The following PDE4D variants were observed in gnomAD, a reference collection of about 807,000 sequenced individuals.
PDE4D encodes the protein phosphodiesterase 4D.
A neutral mutation model predicts 87.4 loss-of-function variants in PDE4D; 24 were observed. The ratio of observed to expected loss-of-function variants is 0.27; its 90% CI spans 0.20 to 0.39. The LOEUF (loss-of-function observed/expected upper bound fraction) is 0.39. Ranked by LOEUF, PDE4D falls within the 10% of genes least tolerant of loss-of-function variation. The pLI, the probability that PDE4D is intolerant of heterozygous loss-of-function variation, is 1.00. For synonymous variants in PDE4D, 384 were observed against 383.2 expected (o/e 1.00, Z -0.02); for missense variants, 714 against 1,041.0 (o/e 0.69, Z 4.32).
At chr5:59,380,793 G>A (rs2153602644) in intron 1 of PDE4D, among the ~76,000 whole-genome samples, 1 of 114,084 alleles carries the variant, frequency 8.8e-6, no homozygotes, top group Non-Finnish European at 1.8e-5. Context: ...AATCTCTAAA[G>A]TTTACTTAAT....
At chr5:60,468,313 A>G (rs1416952947) in intron 1 of PDE4D, among the ~76,000 whole-genome samples, 1 of 151,566 alleles carries the variant, frequency 6.6e-6, no homozygotes, top group African/African-American at 2.4e-5. Context: ...TAATTTCTAT[A>G]TTTTTAATAA....
intron 2 of PDE4D, among the ~76,000 whole-genome samples, chr5:60,121,831 G>A (rs1020313096): frequency 6.6e-6 from 1 of 152,116 alleles, no homozygotes; most frequent in Non-Finnish European, 1.5e-5. Context: ...AAAGTCAACA[G>A]TCCAAAGTCT....
intron 1 of PDE4D, among the ~76,000 whole-genome samples, chr5:59,609,969 T>C (rs939033566): frequency 6.6e-6 from 1 of 152,172 alleles, no homozygotes; most frequent in Non-Finnish European, 1.5e-5. Flanking sequence ...AGCACAGCTG[T>C]TGGCTTCCCC....
At chr5:60,415,025 T>C (rs1186083221) in intron 1 of PDE4D, among the ~76,000 whole-genome samples, 1 of 152,244 alleles carries the variant, frequency 6.6e-6, no homozygotes, top group Non-Finnish European at 1.5e-5. Flanking sequence ...CCTTGTCACA[T>C]GGTAGGAATG....
At chr5:59,432,528 G>A (rs933215844) in intron 1 of PDE4D, among the ~76,000 whole-genome samples, 1 of 152,004 alleles carries the variant, frequency 6.6e-6, no homozygotes, top group Non-Finnish European at 1.5e-5. Context: ...ATAGGCTATG[G>A]CAGTTCATAT....
intron 2 of PDE4D, among the ~76,000 whole-genome samples, chr5:60,038,256 A>G (rs1489224235): frequency 6.6e-6 from 1 of 152,152 alleles, no homozygotes; most frequent in Non-Finnish European, 1.5e-5. Flanking sequence ...TTACGGTTTT[A>G]GGTCTAATGT....
At chr5:59,080,362 G>A (rs987837280) in intron 5 of PDE4D, among the ~76,000 whole-genome samples, 3 of 152,160 alleles carry the variant, frequency 2.0e-5, no homozygotes, top group Middle Eastern at 3.2e-3. Flanking sequence ...GTCCCACGAA[G>A]AATCGTGCTG....
At chr5:59,678,975 T>C (rs907901760) in intron 1 of PDE4D, among the ~76,000 whole-genome samples, 3 of 152,212 alleles carry the variant, frequency 2.0e-5, no homozygotes, top group African/African-American at 7.2e-5. Flanking sequence ...TCTTTACCCC[T>C]TTCCTAGACT....
intron 1 of PDE4D, among the ~76,000 whole-genome samples, chr5:59,245,037 T>C (rs887058913): frequency 1.3e-5 from 2 of 152,034 alleles, no homozygotes; most frequent in African/African-American, 2.4e-5. Flanking sequence ...TATTACAAAA[T>C]AATTCAATAG....
At chr5:59,635,098 T>C (rs1160516702) in intron 1 of PDE4D, among the ~76,000 whole-genome samples, 1 of 152,088 alleles carries the variant, frequency 6.6e-6, no homozygotes, top group Middle Eastern at 3.2e-3. Context: ...CACCAGAGAA[T>C]ACTATAAACA....
At chr5:60,411,271 T>G (rs1331621120) in intron 1 of PDE4D, among the ~76,000 whole-genome samples, 1 of 152,198 alleles carries the variant, frequency 6.6e-6, no homozygotes, top group Non-Finnish European at 1.5e-5. Context: ...TATGTGAAAA[T>G]AGTTACAACT....
At chr5:60,211,231 G>A (rs1743178868) in intron 1 of PDE4D, among the ~76,000 whole-genome samples, 1 of 152,178 alleles carries the variant, frequency 6.6e-6, no homozygotes, top group Non-Finnish European at 1.5e-5. Flanking sequence ...TTAGCTCGTA[G>A]ATGCCATTTC....
chr5:59,469,197 G>A (rs528662220), intron 1 of PDE4D, among the ~76,000 whole-genome samples: 86 of 152,042 alleles, frequency 5.7e-4, no homozygotes, highest in South Asian at 6.3e-4. Flanking sequence ...GCGTGGTAGC[G>A]GGTGCCTGTA....
At chr5:60,178,190 T>C (rs1784094075) in intron 2 of PDE4D, among the ~76,000 whole-genome samples, 1 of 152,152 alleles carries the variant, frequency 6.6e-6, no homozygotes, top group South Asian at 2.1e-4. Context: ...AAGTTTTAAC[T>C]TACGTCTATT....
At chr5:59,307,814 G>A (rs1316766276) in intron 1 of PDE4D, among the ~76,000 whole-genome samples, 2 of 151,980 alleles carry the variant, frequency 1.3e-5, no homozygotes, top group Non-Finnish European at 2.9e-5. Flanking sequence ...GATTCCTCAG[G>A]GATCTAGAAC....
At chr5:59,228,150 G>A (rs928670407) in intron 1 of PDE4D, among the ~76,000 whole-genome samples, 5 of 152,054 alleles carry the variant, frequency 3.3e-5, no homozygotes, top group Non-Finnish European at 7.4e-5. Context: ...ACTAATGCAG[G>A]AAAAGAAAAC....
chr5:59,142,205 AT>A (rs1777996374), intron 5 of PDE4D, among the ~76,000 whole-genome samples: 1 of 152,244 alleles, frequency 6.6e-6, no homozygotes, highest in South Asian at 2.1e-4. Flanking sequence ...TCATTCTAGC[AT>A]TCCACTAGCC....
At chr5:60,014,655 G>A (rs1765348669) in intron 2 of PDE4D, among the ~76,000 whole-genome samples, 1 of 152,156 alleles carries the variant, frequency 6.6e-6, no homozygotes, top group African/African-American at 2.4e-5. Context: ...AAGAGACTTG[G>A]GGAAATAGCT....
chr5:59,057,738 C>T (rs1395866472), intron 5 of PDE4D, among the ~76,000 whole-genome samples: 5 of 152,150 alleles, frequency 3.3e-5, no homozygotes, highest in Admixed American at 6.5e-5. Context: ...AGCTTGTCTT[C>T]GCTGATTTGG....
Sources: gnomAD v4.1 joint callset for allele counts (sites outside exome capture counted in the v4.1 genomes callset) on GRCh38, gnomAD v4.1.1 for gene constraint, MANE v1.5 for transcripts, NCBI Gene and HGNC (gene_info 2026-07-23, HGNC 2026-07-21) for gene names.